Variants in ASIC2 observed in about 807,000 individuals in gnomAD.
ASIC2 encodes the protein acid sensing ion channel subunit 2.
ASIC2 carries 25 observed loss-of-function variants against 57.3 expected under a neutral mutation model. The observed-to-expected ratio is 0.44, with a 90% CI of 0.32 to 0.61. The LOEUF (loss-of-function observed/expected upper bound fraction) is 0.61, where lower values mean the gene tolerates loss of function less well. ASIC2 is among the 20% of genes least tolerant of loss of function. The pLI is 0.06. For missense variants in ASIC2, 641 were observed against 738.1 expected (o/e 0.87, Z 1.52); for synonymous variants, 319 against 307.5 (o/e 1.04, Z -0.39).
At chr17:33,261,305 A>G (rs1463507345) in intron 1 of ASIC2, among the ~76,000 whole-genome samples, 1 of 152,166 alleles carries the variant, frequency 6.6e-6, no homozygotes, top group Non-Finnish European at 1.5e-5. Flanking sequence ...TCACCCACTC[A>G]CAACATCATT....
chr17:34,049,323 T>C (rs1019055850), intron 1 of ASIC2, among the ~76,000 whole-genome samples: 3 of 151,986 alleles, frequency 2.0e-5, no homozygotes, highest in African/African-American at 7.3e-5. Context: ...ACAAGAAATA[T>C]GTTGTAGGCA....
chr17:33,205,641 T>A (rs1378496545), intron 1 of ASIC2, among the ~76,000 whole-genome samples: 1 of 152,086 alleles, frequency 6.6e-6, no homozygotes, highest in African/African-American at 2.4e-5. Flanking sequence ...TTTGCAGGAG[T>A]TCCTTGAACC....
At chr17:33,237,998 A>G (rs1908360405) in intron 1 of ASIC2, among the ~76,000 whole-genome samples, 1 of 152,106 alleles carries the variant, frequency 6.6e-6, no homozygotes, top group African/African-American at 2.4e-5. Flanking sequence ...GCTATTGTTA[A>G]CTCATTTTAC....
intron 1 of ASIC2, among the ~76,000 whole-genome samples, chr17:33,835,292 T>G (rs1230176505): frequency 6.6e-6 from 1 of 152,216 alleles, no homozygotes; most frequent in Non-Finnish European, 1.5e-5. Context: ...CTCTTCCAAC[T>G]TTTAGTCAAA....
chr17:33,817,726 A>G (rs761456431), intron 1 of ASIC2, among the ~76,000 whole-genome samples: 2 of 152,176 alleles, frequency 1.3e-5, no homozygotes, highest in African/African-American at 2.4e-5. Flanking sequence ...AAATATTTAT[A>G]TGATCTTATT....
intron 1 of ASIC2, among the ~76,000 whole-genome samples, chr17:33,580,839 G>A (rs933430630): frequency 6.6e-6 from 1 of 152,302 alleles, no homozygotes; most frequent in East Asian, 1.9e-4. Flanking sequence ...AGGCCTATGG[G>A]ATACAAGCAC....
chr17:33,844,200 T>C (rs1297364311), intron 1 of ASIC2, among the ~76,000 whole-genome samples: 1 of 152,214 alleles, frequency 6.6e-6, no homozygotes, highest in Non-Finnish European at 1.5e-5. Flanking sequence ...ACATGGCATA[T>C]TTAAGTTGCA....
chr17:33,124,997 G>C (rs1425885158), intron 1 of ASIC2, among the ~76,000 whole-genome samples: 4 of 152,192 alleles, frequency 2.6e-5, no homozygotes, highest in Non-Finnish European at 4.4e-5. Flanking sequence ...TGCTGCTACT[G>C]ATCTGAGAGG....
At chr17:34,042,588 A>C (rs1241079568) in intron 1 of ASIC2, among the ~76,000 whole-genome samples, 1 of 152,112 alleles carries the variant, frequency 6.6e-6, no homozygotes, top group Non-Finnish European at 1.5e-5. Context: ...GAATGACAAA[A>C]GGACAGAAGA....
intron 1 of ASIC2, among the ~76,000 whole-genome samples, chr17:33,340,651 T>C (rs970150888): frequency 2.0e-5 from 3 of 151,968 alleles, no homozygotes; most frequent in Non-Finnish European, 4.4e-5. Flanking sequence ...GAACTTTGAG[T>C]GTATCAGTGG....
chr17:33,603,569 A>G (rs1046412912), intron 1 of ASIC2, among the ~76,000 whole-genome samples: 1 of 152,206 alleles, frequency 6.6e-6, no homozygotes. Context: ...TGGAAAAGTG[A>G]GGACATGAGG....
intron 1 of ASIC2, among the ~76,000 whole-genome samples, chr17:33,576,599 G>C (rs1484741935): frequency 2.0e-5 from 3 of 152,228 alleles, no homozygotes; most frequent in Non-Finnish European, 4.4e-5. Flanking sequence ...CCAATGGAAA[G>C]TGGGAATGAT....
At position 33,187,920 on chromosome 17, in the gene ASIC2, AAAAAAAG is replaced by A. The variant is rs1296576328; in HGVS notation, c.709-75860_709-75854del. On this transcript the variant is annotated intron_variant, in intron 1 of 9. Transcript: ENST00000225823. ...GGTCAGGGATGAAAAAAAAAAAAAG[AAAAAAAG>A]AAAAAAGAAAAAAAAGAAAAAACAG... 4.6e-5 allele frequency among the ~76,000 whole-genome samples: 7 copies of A among 150,666 alleles called. No individual in the cohort carries two copies. In the South Asian group the frequency reaches 6.3e-4, roughly 13 times the overall value.
chr17:33,112,079 AAGAGAG>A lies in ASIC2; in HGVS notation c.709-18_709-13del. 6.3e-7 allele frequency: 1 copy of A among 1,584,188 alleles called. No individual in the cohort carries two copies. The highest frequency in any genetic ancestry group is 8.6e-7 in the Non-Finnish European group (1 of 1,161,166). The stretch of plus-strand genomic sequence containing the variant: ...TATTTTGTAAACACCTGAAGGAGAG[AAGAGAG>A]AGAGAGAGAGAAGCACATGGGTAAC... On this transcript the variant is annotated splice_polypyrimidine_tract_variant and intron_variant, in intron 1 of 9. Transcript: ENST00000225823.
chr17:33,317,194 A>G (rs1006409565), intron 1 of ASIC2, among the ~76,000 whole-genome samples: 21 of 152,290 alleles, frequency 1.4e-4, no homozygotes, highest in African/African-American at 4.3e-4. Flanking sequence ...CTTTGCCCCT[A>G]CATCTGGTGC....
intron 1 of ASIC2, among the ~76,000 whole-genome samples, chr17:34,043,862 C>T (rs1361519649): frequency 1.3e-5 from 2 of 152,110 alleles, no homozygotes; most frequent in Non-Finnish European, 2.9e-5. Context: ...GGGCTGGAAC[C>T]AAGAGTGCAA....
chr17:33,925,577 C>T (rs972766673), intron 1 of ASIC2, among the ~76,000 whole-genome samples: 1 of 152,224 alleles, frequency 6.6e-6, no homozygotes, highest in Non-Finnish European at 1.5e-5. Flanking sequence ...AGCCTCAAAG[C>T]CCCACTCCTA....
rs888426337 is a variant in ASIC2 at position 33,403,757 on chromosome 17, A to G, written c.556-291690T>C. Among the ~76,000 whole-genome samples the G allele has an allele frequency of 3.9e-5, 6 of 152,180 alleles. No homozygotes were observed. In the East Asian group the frequency reaches 1.2e-3, roughly 29 times the overall value. On this transcript the variant is annotated intron_variant, in intron 1 of 9. Coordinates refer to the ASIC2 transcript ENST00000359872. ...TTGACATTACCCTTTTACTTCTATT[A>G]AAGAATCTTGTAAACCTAAAGCTAG...
At chr17:33,721,810 G>C (rs1211443960) in intron 1 of ASIC2, among the ~76,000 whole-genome samples, 1 of 152,210 alleles carries the variant, frequency 6.6e-6, no homozygotes, top group Non-Finnish European at 1.5e-5. Context: ...ATTCCAGAGA[G>C]AGGAAAGAGT....
Sources: gnomAD v4.1 joint callset for allele counts (sites outside exome capture counted in the v4.1 genomes callset) on GRCh38, gnomAD v4.1.1 for gene constraint, MANE v1.5 for transcripts, NCBI Gene and HGNC (gene_info 2026-07-23, HGNC 2026-07-21) for gene names.